Variants in PHLDB2 observed in about 807,000 individuals in gnomAD.
PHLDB2 encodes pleckstrin homology like domain family B member 2.
In PHLDB2, 71 loss-of-function variants were observed where a neutral mutation model predicts 123.6. The observed-to-expected ratio is 0.57, with a 90% CI of 0.47 to 0.70. The LOEUF is 0.70. PHLDB2 is among the 30% of genes least tolerant of loss of function. The pLI is 0.00. For synonymous variants in PHLDB2, 547 were observed against 541.6 expected (o/e 1.01, Z -0.14); for missense variants, 1,446 against 1,519.5 (o/e 0.95, Z 0.80).
chr3:111,846,559 C>A (rs1301539053), intron 2 of PHLDB2: 1 of 152,402 alleles, frequency 6.6e-6, no homozygotes, highest in African/African-American at 2.4e-5. Flanking sequence ...TCCTTCTGAC[C>A]AGCTGACCAG....
chr3:111,895,746 G>A (rs950670174), intron 2 of PHLDB2, among the ~76,000 whole-genome samples: 1 of 152,132 alleles, frequency 6.6e-6, no homozygotes, highest in African/African-American at 2.4e-5. Flanking sequence ...CTACTTCGGA[G>A]GCTGAAGCAG....
chr3:111,794,976 CTCCAGGAGCAT>C (rs2061092815), intron 1 of PHLDB2, among the ~76,000 whole-genome samples: 1 of 152,298 alleles, frequency 6.6e-6, no homozygotes, highest in East Asian at 1.9e-4. Context: ...TTTATGTTCA[CTCCAGGAGCAT>C]TGTCTCAAAA....
intron 1 of PHLDB2, among the ~76,000 whole-genome samples, chr3:111,740,827 T>C (rs1196517822): frequency 4.7e-5 from 7 of 148,560 alleles, no homozygotes; most frequent in Admixed American, 2.7e-4. Context: ...AGCCCATGAG[T>C]CCAACAATGA....
chr3:111,871,314 C>A (rs1376699274), intron 1 of PHLDB2, among the ~76,000 whole-genome samples: 1 of 152,176 alleles, frequency 6.6e-6, no homozygotes, highest in Non-Finnish European at 1.5e-5. Flanking sequence ...CAACACAGCA[C>A]AATACAACAG....
chr3:111,866,013 C>CTTTTTTTTTTT (rs1239058039), intron 1 of PHLDB2, among the ~76,000 whole-genome samples: 7 of 47,658 alleles, frequency 1.5e-4, no homozygotes, highest in Non-Finnish European at 3.0e-4. Context: ...CCCACCCACT[C>CTTTTTTTTTTT]ATTTTTTTTT....
At chr3:111,870,733 C>G (rs2065296308) in intron 1 of PHLDB2, among the ~76,000 whole-genome samples, 1 of 152,144 alleles carries the variant, frequency 6.6e-6, no homozygotes, top group Non-Finnish European at 1.5e-5. Context: ...AAGAATGGCA[C>G]TGCTTCTGAA....
In PHLDB2 at chr3:111,811,208, A is replaced by G. The variant is rs542968857; in HGVS notation, c.-48-34613A>G. Among the ~76,000 whole-genome samples the G allele has an allele frequency of 6.6e-5, 10 of 152,322 alleles. No individual in the cohort carries two copies. The South Asian group carries it at 2.1e-3, about 32-fold the overall frequency. On this transcript the variant is annotated intron_variant, in intron 1 of 17. Transcript: ENST00000393923. The stretch of plus-strand genomic sequence containing the variant: ...GTACTCCATTTAGCATTTAACTAAT[A>G]AAACCAAGTACCTACAAAACTAGAA...
At chr3:111,838,589 GA>G (rs1243374618) in intron 1 of PHLDB2, among the ~76,000 whole-genome samples, 2 of 152,078 alleles carry the variant, frequency 1.3e-5, no homozygotes, top group African/African-American at 4.8e-5. Context: ...ATATAACTAG[GA>G]AAAAATAGTT....
At chr3:111,863,618 T>C (rs1034180847) in intron 1 of PHLDB2, among the ~76,000 whole-genome samples, 2 of 152,238 alleles carry the variant, frequency 1.3e-5, no homozygotes, top group Non-Finnish European at 2.9e-5. Flanking sequence ...ATCTTTTCCC[T>C]CCAACCAACT....
At chr3:111,944,278 CAG>C (rs1477862100) in intron 8 of PHLDB2, among the ~76,000 whole-genome samples, 1 of 152,062 alleles carries the variant, frequency 6.6e-6, no homozygotes, top group African/African-American at 2.4e-5. Context: ...ATTGGGGTGA[CAG>C]AAATGCTCTT....
intron 5 of PHLDB2, among the ~76,000 whole-genome samples, chr3:111,923,259 C>G (rs75371261): frequency 0.028 from 4,235 of 152,280 alleles, 127 homozygotes; most frequent in South Asian, 0.12. Flanking sequence ...GCTTTTCAGT[C>G]CCCTCATGAT....
intron 13 of PHLDB2, among the ~76,000 whole-genome samples, chr3:111,962,551 C>T (rs1250983164): frequency 6.6e-6 from 1 of 152,118 alleles, no homozygotes; most frequent in African/African-American, 2.4e-5. Context: ...TGTTTTTCTC[C>T]ACTTGAGCTC....
intron 1 of PHLDB2, among the ~76,000 whole-genome samples, chr3:111,881,940 A>G (rs1421451268): frequency 1.3e-5 from 2 of 152,124 alleles, no homozygotes; most frequent in Non-Finnish European, 2.9e-5. Context: ...TAAGAAAATG[A>G]CACTCCTTGT....
chr3:111,737,540 G>A (rs2059531102), intron 1 of PHLDB2, among the ~76,000 whole-genome samples: 1 of 152,144 alleles, frequency 6.6e-6, no homozygotes, highest in Non-Finnish European at 1.5e-5. Context: ...GTCACAAAAT[G>A]CTGGCAATTC....
At chr3:111,896,187 A>G (rs1427941336) in intron 2 of PHLDB2, among the ~76,000 whole-genome samples, 1 of 152,050 alleles carries the variant, frequency 6.6e-6, no homozygotes, top group Non-Finnish European at 1.5e-5. Context: ...TCCTGGCCTC[A>G]AGTGATTTGC....
chr3:111,757,891 C>G (rs1315700736), intron 1 of PHLDB2, among the ~76,000 whole-genome samples: 1 of 152,198 alleles, frequency 6.6e-6, no homozygotes, highest in East Asian at 1.9e-4. Flanking sequence ...GCCTCGGTAT[C>G]TGCAGCGGTG....
chr3:111,859,705 G>C, intron 1 of PHLDB2, 129 bp downstream of exon 1: 8 of 985,398 alleles, frequency 8.1e-6, no homozygotes, highest in Non-Finnish European at 9.6e-6. Flanking sequence ...CGGAGGGTTG[G>C]GGGCGGAGAG....
At chr3:111,927,247 C>T (rs1264524009) in intron 5 of PHLDB2, among the ~76,000 whole-genome samples, 1 of 135,686 alleles carries the variant, frequency 7.4e-6, no homozygotes, top group Non-Finnish European at 1.6e-5. Flanking sequence ...AAATGACTGG[C>T]CAGGCGTGGA....
rs1318199323 is a variant in PHLDB2, at chr3:111,975,477, GT to G, written c.*916del. The G allele has an allele frequency of 1.3e-5, 2 of 152,078 alleles. No individual in the cohort carries two copies. The highest frequency in any genetic ancestry group is 1.5e-5 in the Non-Finnish European group (1 of 67,998). 9.4% of individuals were successfully genotyped at this position (152,078 alleles called of 1,614,324 possible). On this transcript the variant is annotated 3_prime_UTR_variant, in exon 18 of 18. Coordinates refer to ENST00000431670, the MANE Select transcript of PHLDB2 (RefSeq NM_001134438.2). Reference sequence around the variant, plus strand: ...CCTTTAGATTGTCTGATTTCTTTTTGTTGTGGAGCACACCTGCTAACTGCTC... The same window carrying G: ...CCTTTAGATTGTCTGATTTCTTTTTGTGTGGAGCACACCTGCTAACTGCTC...
Sources: allele counts gnomAD v4.1 joint callset (sites outside exome capture counted in the v4.1 genomes callset), GRCh38; gene constraint gnomAD v4.1.1; transcripts MANE v1.5; gene names NCBI Gene and HGNC (gene_info 2026-07-23, HGNC 2026-07-21).